The following RFPL4AL1 variants were observed in gnomAD, a reference collection of about 807,000 sequenced individuals.
The protein encoded by RFPL4AL1 is ret finger protein like 4A like 1.
RFPL4AL1 carries 2 observed loss-of-function variants against 8.2 expected under a neutral mutation model. The observed-to-expected ratio is 0.24, with a 90% confidence interval of 0.10 to 0.77. RFPL4AL1 has a LOEUF of 0.77. Ranked by LOEUF, RFPL4AL1 falls within the 30% of genes least tolerant of loss-of-function variation. The probability of loss-of-function intolerance (pLI) is 0.72; values close to 1 mark genes in which losing one functional copy is unlikely to be tolerated. For synonymous variants in RFPL4AL1, 25 were observed against 131.8 expected, an observed-to-expected ratio of 0.19 and a Z score of 5.55; for missense variants, 57 against 350.3, an observed-to-expected ratio of 0.16 and a Z score of 6.68.
In RFPL4AL1 at chr19:55,771,086, G is replaced by GGTTTTTTTTTTTTTTTTTTTTTTTTTTT. The variant is rs1555799526; in HGVS notation, c.-9-710_-9-709insGTTTTTTTTTTTTTTTTTTTTTTTTTTT. 3.8e-5 allele frequency among the ~76,000 whole-genome samples: 5 copies of GGTTTTTTTTTTTTTTTTTTTTTTTTTTT among 130,380 alleles called. 1 individual carries two copies. The highest frequency in any genetic ancestry group is 3.2e-5 in the Non-Finnish European group (2 of 63,348). 85.5% of individuals were successfully genotyped at this position (130,380 alleles called of 152,430 possible). Reference sequence around the variant, plus strand: ...TTGGTTTCTTTTAGTTCTGTTTTTTGTTTTTTTTTTTTTTTTTTTCCGCTA... The same window carrying GGTTTTTTTTTTTTTTTTTTTTTTTTTTT: ...TTGGTTTCTTTTAGTTCTGTTTTTTGGTTTTTTTTTTTTTTTTTTTTTTTTTTTTTTTTTTTTTTTTTTTTTTCCGCTA... On this transcript the variant is annotated intron_variant, in intron 1 of 2. Coordinates refer to ENST00000341750, the MANE Select transcript of RFPL4AL1 (RefSeq NM_001277397.2).
At chr19:55,769,381 C>G (rs1304532598) in intron 1 of RFPL4AL1, among the ~76,000 whole-genome samples, 4 of 151,900 alleles carry the variant, frequency 2.6e-5, no homozygotes, top group Non-Finnish European at 4.4e-5. Context: ...TTGACAATCT[C>G]CATTTGCTTG....
intron 2 of RFPL4AL1, 40 bp downstream of exon 2, chr19:55,772,130 A>C: frequency 6.8e-7 from 1 of 1,481,076 alleles, no homozygotes; most frequent in Non-Finnish European, 9.1e-7. Context: ...CATAAAAGGC[A>C]CTGGGAAAAC....
Position 55,772,759 on chromosome 19 carries a change from C to G in RFPL4AL1, c.444C>G (p.Ser148=). 1.3e-6 allele frequency: 2 copies of G among 1,545,770 alleles called. No homozygotes were observed. Among genetic ancestry groups the G allele is most frequent in the South Asian group, 2.4e-5 (2 of 83,852 alleles). Residue 148 remains serine (S), a synonymous_variant, in exon 3 of 3, where the codon TCC becomes TCG. Transcript: ENST00000341750. ...LCVLGTPRFT[S]GRHYWEVDVG... ...TCCTGGGCACCCCTCGCTTCACTTC[C>G]GGCCGCCATTACTGGGAGGTGGACG...
In RFPL4AL1 at chr19:55,769,424, T is replaced by G. The variant is rs531095991; in HGVS notation, c.-10+249T>G. Among the ~76,000 whole-genome samples, 31 of 151,956 alleles carry G rather than the reference T, an allele frequency of 2.0e-4. No individual in the cohort carries two copies. The East Asian group carries it at 6.0e-3, about 29-fold the overall frequency. On this transcript the variant is annotated intron_variant, in intron 1 of 2. Coordinates refer to ENST00000341750, the MANE Select transcript of RFPL4AL1 (RefSeq NM_001277397.2). ...TCAGAATTTGGTAGACTTTCTGAAA[T>G]GATGGACAGAGGTTCGGTGGCTGCG...
chr19:55,769,587 G>A (rs397833380), intron 1 of RFPL4AL1, among the ~76,000 whole-genome samples: 217 of 150,346 alleles, frequency 1.4e-3, no homozygotes, highest in East Asian at 4.0e-3. Flanking sequence ...TAATTCAGAA[G>A]GAGAAAGGGA....
intron 1 of RFPL4AL1, among the ~76,000 whole-genome samples, chr19:55,771,533 A>G (rs1989497771): frequency 1.3e-5 from 2 of 151,472 alleles, no homozygotes; most frequent in East Asian, 3.9e-4. Flanking sequence ...GAAACAGCCC[A>G]GGTGTAGACT....
intron 1 of RFPL4AL1, among the ~76,000 whole-genome samples, chr19:55,770,806 A>G (rs1415417391): frequency 6.6e-6 from 1 of 151,920 alleles, no homozygotes; most frequent in Admixed American, 6.6e-5. Flanking sequence ...GTCACTGGAT[A>G]CGTTCTCGAT....
rs564198233 is a variant in RFPL4AL1 at position 55,772,122 on chromosome 19, T to C, written c.286+32T>C. On this transcript the variant is annotated intron_variant, in intron 2 of 2. Transcript: ENST00000341750. ...AATCTATAGGACCTGCCACAACCCA[T>C]AAAAGGCACTGGGAAAACGACTTTC... 31 of 1,479,758 alleles carry C rather than the reference T, an allele frequency of 2.1e-5. No individual in the cohort carries two copies. The South Asian group carries it at 3.4e-4, about 16-fold the overall frequency. The allele number at this position is 1,479,758 out of a possible 1,614,324, so 91.7% of individuals were successfully genotyped here.
intron 2 of RFPL4AL1, 35 bp downstream of exon 2, chr19:55,772,125 A>T: frequency 1.4e-6 from 2 of 1,480,936 alleles, no homozygotes; most frequent in Non-Finnish European, 1.8e-6. Flanking sequence ...CAACCCATAA[A>T]AGGCACTGGG....
chr19:55,771,086 G>GGTTTTTTTTTTTTTTTTTTTTT (rs1555799526), intron 1 of RFPL4AL1, among the ~76,000 whole-genome samples: 1 of 130,380 alleles, frequency 7.7e-6, no homozygotes, highest in Non-Finnish European at 1.6e-5. Context: ...TCTGTTTTTT[G>GGTTTTTTTTTTTTTTTTTTTTT]TTTTTTTTTT....
intron 1 of RFPL4AL1, among the ~76,000 whole-genome samples, chr19:55,770,760 A>G (rs1235573893): frequency 6.6e-6 from 1 of 151,934 alleles, no homozygotes; most frequent in Non-Finnish European, 1.5e-5. Context: ...CAAGTGGCTA[A>G]TTTTAAAAGC....
chr19:55,769,347 A>G (rs1443514720), intron 1 of RFPL4AL1, among the ~76,000 whole-genome samples, 172 bp downstream of exon 1: 1 of 151,948 alleles, frequency 6.6e-6, no homozygotes, highest in African/African-American at 2.4e-5. Flanking sequence ...CAACTCTTAG[A>G]TTTTCAATAC....
chr19:55,771,148 G>T, intron 1 of RFPL4AL1, among the ~76,000 whole-genome samples: 1 of 89,422 alleles, frequency 1.1e-5, no homozygotes, highest in Non-Finnish European at 2.2e-5. Flanking sequence ...CGACTTATTT[G>T]TATTTTGTGT....
intron 1 of RFPL4AL1, among the ~76,000 whole-genome samples, chr19:55,771,086 GTTTTTTTTTT>G (rs74183507): frequency 7.7e-6 from 1 of 130,380 alleles, no homozygotes; most frequent in Non-Finnish European, 1.6e-5. Flanking sequence ...TCTGTTTTTT[GTTTTTTTTTT>G]TTTTTTTTTC....
chr19:55,771,090 T>G (rs200913166), intron 1 of RFPL4AL1, among the ~76,000 whole-genome samples: 50,462 of 127,426 alleles, frequency 0.4, 7,438 homozygotes, highest in Admixed American at 0.48. Context: ...TTTTTTGTTT[T>G]TTTTTTTTTT....
At position 55,769,177 on chromosome 19, in the gene RFPL4AL1, T is replaced by G. The variant is rs1419513714; in HGVS notation, c.-10+2T>G. On this transcript the variant is annotated splice_donor_variant, in intron 1 of 2. Transcript: ENST00000341750. LOFTEE classifies it low-confidence loss of function (5UTR_SPLICE). ...AGGGGAGAAACTCCAGAAGGAGAGG[T>G]GAGTTCAATCTTATGGAATTCATTT... is the stretch of plus-strand genomic sequence containing the variant. 1 of 152,962 alleles carries G rather than the reference T, an allele frequency of 6.5e-6. No homozygotes were observed. The highest frequency in any genetic ancestry group is 1.5e-5 in the Non-Finnish European group (1 of 67,842). The allele number at this position is 152,962 out of a possible 1,614,324, so 9.5% of individuals were successfully genotyped here.
chr19:55,769,945 T>C (rs1989458999), intron 1 of RFPL4AL1, among the ~76,000 whole-genome samples: 1 of 152,014 alleles, frequency 6.6e-6, no homozygotes, highest in African/African-American at 2.4e-5. Flanking sequence ...CTCATCTATT[T>C]TTCTCTCACA....
At chr19:55,769,213 C>G (rs1311668935) in intron 1 of RFPL4AL1, 38 bp downstream of exon 1, 3 of 151,880 alleles carry the variant, frequency 2.0e-5, no homozygotes, top group African/African-American at 7.3e-5. Flanking sequence ...TTACAAAAGG[C>G]GTATGAGAAT....
chr19:55,769,909 T>C (rs569376854), intron 1 of RFPL4AL1, among the ~76,000 whole-genome samples: 171 of 150,886 alleles, frequency 1.1e-3, no homozygotes, highest in African/African-American at 4.2e-3. Context: ...TATGGTAGAA[T>C]AATCCAATGT....
Sources: allele counts gnomAD v4.1 joint callset (sites outside exome capture counted in the v4.1 genomes callset), GRCh38; gene constraint gnomAD v4.1.1; transcripts MANE v1.5; gene names NCBI Gene and HGNC (gene_info 2026-07-23, HGNC 2026-07-21).